KIF5A: variants seen among roughly 807,000 people sequenced by gnomAD.
The protein encoded by KIF5A is kinesin family member 5A.
In KIF5A, 35 loss-of-function variants were observed where a neutral mutation model predicts 141.3. The observed-to-expected ratio is 0.25, with a 90% CI of 0.19 to 0.33. KIF5A has a LOEUF of 0.33. Ranked by LOEUF, KIF5A falls within the 10% of genes least tolerant of loss-of-function variation. The pLI, the probability that KIF5A is intolerant of heterozygous loss-of-function variation, is 1.00. For missense variants in KIF5A, 861 were observed against 1,314.3 expected (o/e 0.66, Z 5.33); for synonymous variants, 448 against 500.2 (o/e 0.90, Z 1.39).
At chr12:57,563,394 C>A in intron 1 of KIF5A, 45 bp from the exon 2 acceptor site, 2 of 1,395,412 alleles carry the variant, frequency 1.4e-6, no homozygotes, top group Non-Finnish European at 2.0e-6. Flanking sequence ...TCTTTTCCCT[C>A]ACATCCTGCC....
chr12:57,575,072 T>G lies in KIF5A; in HGVS notation c.1717-12T>G. On this transcript the variant is annotated splice_polypyrimidine_tract_variant and intron_variant, in intron 15 of 28. Coordinates refer to ENST00000455537, the MANE Select transcript of KIF5A (RefSeq NM_004984.4). Reference sequence around the variant, plus strand: ...AGCCAAGAAGCATCTCTTCCTCCTTTAATCACCTTAGCCAGTGGAGATCAG... The same window carrying G: ...AGCCAAGAAGCATCTCTTCCTCCTTGAATCACCTTAGCCAGTGGAGATCAG... The G allele has an allele frequency of 6.2e-7, 1 of 1,613,848 alleles. No individual in the cohort carries two copies.
chr12:57,570,622 C>T (rs1238641673), intron 12 of KIF5A, among the ~76,000 whole-genome samples: 3 of 152,096 alleles, frequency 2.0e-5, no homozygotes, highest in Non-Finnish European at 2.9e-5. Context: ...TGACCTCTGG[C>T]GATCCGCCCG....
intron 1 of KIF5A, among the ~76,000 whole-genome samples, chr12:57,553,876 G>A (rs951679330): frequency 2.0e-5 from 3 of 152,136 alleles, no homozygotes; most frequent in Non-Finnish European, 2.9e-5. Context: ...GCTGGGGGTG[G>A]GAGAGAGATT....
chr12:57,566,318 A>C (rs1227032275), intron 6 of KIF5A, among the ~76,000 whole-genome samples: 1 of 150,446 alleles, frequency 6.6e-6, no homozygotes, highest in African/African-American at 2.4e-5. Context: ...TAGCCAGGCT[A>C]GTCTCGAACT....
rs759279945 is a variant in KIF5A, at chr12:57,578,388, G to T, written c.2538+46G>T. The stretch of plus-strand genomic sequence containing the variant: ...TGAAGAGAATTTTTGAGGCCGGGTA[G>T]CTAGCATACCAAATCCTCAGAGGCC... On this transcript the variant is annotated intron_variant, in intron 23 of 28. Coordinates refer to ENST00000455537, the MANE Select transcript of KIF5A (RefSeq NM_004984.4). The T allele has an allele frequency of 6.9e-6, 9 of 1,304,964 alleles. No individual in the cohort carries two copies. The South Asian group carries it at 1.1e-4, about 15-fold the overall frequency. 80.8% of individuals were successfully genotyped at this position (1,304,964 alleles called of 1,614,324 possible).
At position 57,571,396 on chromosome 12, in the gene KIF5A, G is replaced by A. The variant is rs1349376862; in HGVS notation, c.1362+7G>A. 6.2e-7 allele frequency: 1 copy of A among 1,613,572 alleles called. No individual in the cohort carries two copies. ...AATGCTGGACCAGGAAGAGGTAATAGGAGGGAGGGCAGGACATGAGAGGAA... is the reference window on the plus strand; with the variant it reads ...AATGCTGGACCAGGAAGAGGTAATAAGAGGGAGGGCAGGACATGAGAGGAA... On this transcript the variant is annotated splice_region_variant and intron_variant, in intron 13 of 28. Coordinates refer to ENST00000455537, the MANE Select transcript of KIF5A (RefSeq NM_004984.4).
chr12:57,573,886 C>T (rs1222433003), intron 15 of KIF5A, among the ~76,000 whole-genome samples: 1 of 150,946 alleles, frequency 6.6e-6, no homozygotes, highest in African/African-American at 2.4e-5. Context: ...TTGAGACCAT[C>T]CTGGCTAACA....
chr12:57,560,076 G>A (rs1449378506), intron 1 of KIF5A, among the ~76,000 whole-genome samples: 1 of 152,096 alleles, frequency 6.6e-6, no homozygotes, highest in Non-Finnish European at 1.5e-5. Flanking sequence ...ATTTTTAGTA[G>A]AGACATGGTT....
At chr12:57,567,287 C>T in intron 7 of KIF5A, 74 bp downstream of exon 7, 2 of 1,354,374 alleles carry the variant, frequency 1.5e-6, no homozygotes, top group Non-Finnish European at 2.1e-6. Flanking sequence ...GGTGGAGGGA[C>T]TCAAAAGTGA....
intron 6 of KIF5A, 90 bp downstream of exon 6, chr12:57,565,063 G>T: frequency 8.5e-7 from 1 of 1,174,464 alleles, no homozygotes; most frequent in South Asian, 1.2e-5. Flanking sequence ...TGAAGTTGGA[G>T]GGTGGATATC....
rs948361053 is a variant in KIF5A at position 57,577,955 on chromosome 12, G to T, written c.2362-54G>T. 2.1e-6 allele frequency: 3 copies of T among 1,434,842 alleles called. No individual in the cohort carries two copies. In the Admixed American group the frequency reaches 5.0e-5, roughly 24 times the overall value. The allele number at this position is 1,434,842 out of a possible 1,614,324, so 88.9% of individuals were successfully genotyped here. A position where few individuals can be genotyped will look rare whatever the true frequency, so the allele number is the denominator to read the frequency against. ...ACTGGAGGTACCTATAATTCTGGAG[G>T]AATAGGACAGACCTGGTATCTGGCT... On this transcript the variant is annotated intron_variant, in intron 21 of 28. Transcript: ENST00000455537.
At chr12:57,565,874 C>G (rs1882048807) in intron 6 of KIF5A, among the ~76,000 whole-genome samples, 1 of 151,522 alleles carries the variant, frequency 6.6e-6, no homozygotes, top group Non-Finnish European at 1.5e-5. Context: ...ATCCACCTGC[C>G]TCAGCCTCCC....
rs1427962305 is a variant in KIF5A at position 57,585,037 on chromosome 12, A to T, written c.*856A>T. 1 of 152,062 alleles carries T rather than the reference A, an allele frequency of 6.6e-6. No homozygotes were observed. The highest frequency in any genetic ancestry group is 1.5e-5 in the Non-Finnish European group (1 of 68,030). The allele number at this position is 152,062 out of a possible 1,614,324, so 9.4% of individuals were successfully genotyped here. On this transcript the variant is annotated 3_prime_UTR_variant, in exon 29 of 29. Transcript: ENST00000455537. ...AATGGCTGCTCATCTGTCCATGGAG[A>T]TGGTTACAGGCAGGTGTAGTCAAAA...
Position 57,586,228 on chromosome 12 carries a change from T to G in KIF5A, c.*2047T>G, listed in dbSNP as rs1414105107. 1 of 152,148 alleles carries G rather than the reference T, an allele frequency of 6.6e-6. No homozygotes were observed. Among genetic ancestry groups the G allele is most frequent in the East Asian group, 1.9e-4 (1 of 5,202 alleles). The allele number at this position is 152,148 out of a possible 1,614,324, so 9.4% of individuals were successfully genotyped here. On this transcript the variant is annotated 3_prime_UTR_variant, in exon 29 of 29. Transcript: ENST00000455537. Reference sequence around the variant, plus strand: ...TTGCTGTCAGCAGGGCACTTAAGAATCCAGGGGGTTTTATGTAATGTTGCC... The same window carrying G: ...TTGCTGTCAGCAGGGCACTTAAGAAGCCAGGGGGTTTTATGTAATGTTGCC...
At position 57,575,205 on chromosome 12, in the gene KIF5A, T is replaced by C; in HGVS notation, c.1838T>C (p.Val613Ala). The change falls in exon 16 of 29, where the codon GTG becomes GCG. Residue 613 changes from valine to alanine, a missense_variant. By Grantham distance (64) the Val-to-Ala change is moderately conservative. Around this residue, in one of 5 missense-constraint regions of KIF5A, gnomAD observed 482 missense variants for 661.3 expected, o/e 0.73. Transcript: ENST00000455537. ...KRCRQLENLQ[V>A]ECHRKMEVTG... ...TGCCGGCAGCTGGAGAACCTCCAGG[T>C]GGAGTGTCACCGCAAGATGGAAGTG... 1 of 1,613,758 alleles carries C rather than the reference T, an allele frequency of 6.2e-7. No homozygotes were observed. Among genetic ancestry groups the C allele is most frequent in the Non-Finnish European group, 8.5e-7 (1 of 1,179,914 alleles).
At chr12:57,581,702 G>C (rs1448626655) in intron 25 of KIF5A, 134 bp downstream of exon 25, 1 of 1,252,506 alleles carries the variant, frequency 8.0e-7, no homozygotes, top group East Asian at 2.3e-5. Context: ...CCTATGATTA[G>C]AAGGTAGGTG....
chr12:57,578,829 C>T (rs980025267), intron 23 of KIF5A, among the ~76,000 whole-genome samples: 5 of 151,972 alleles, frequency 3.3e-5, no homozygotes, highest in African/African-American at 7.3e-5. Context: ...TTCAGGAAGC[C>T]GAGGCGGGCG....
rs960794993 is a variant in KIF5A, at chr12:57,576,081, C to T, written c.2024-6C>T. 1.2e-6 allele frequency: 2 copies of T among 1,613,986 alleles called. No homozygotes were observed. Among genetic ancestry groups the T allele is most frequent in the Non-Finnish European group, 1.7e-6 (2 of 1,179,880 alleles). On this transcript the variant is annotated splice_region_variant and splice_polypyrimidine_tract_variant and intron_variant, in intron 17 of 28. Coordinates refer to ENST00000455537, the MANE Select transcript of KIF5A (RefSeq NM_004984.4). Reference sequence around the variant, plus strand: ...GATGTCAGCTGTCTTCCCCTCTTTCCCTTAGAAACTGTGCATGAAGTGGCC... The same window carrying T: ...GATGTCAGCTGTCTTCCCCTCTTTCTCTTAGAAACTGTGCATGAAGTGGCC...
rs116981290 is a variant in KIF5A, at chr12:57,556,702, A to T, written c.129+6302A>T. Among the ~76,000 whole-genome samples, 452 of 91,794 alleles carry T rather than the reference A, an allele frequency of 4.9e-3. 17 individuals are homozygous for T. The East Asian group carries it at 0.093, about 19-fold the overall frequency. 60.2% of individuals were successfully genotyped at this position (91,794 alleles called of 152,430 possible). A position where few individuals can be genotyped will look rare whatever the true frequency, so the allele number is the denominator to read the frequency against. On this transcript the variant is annotated intron_variant, in intron 1 of 28. Transcript: ENST00000455537. The stretch of plus-strand genomic sequence containing the variant: ...TTGGTGCCCATGTGTTTGTGGGGGG[A>T]GGGGAGGGGCAAGATTGGCTTGAGA...
Sources: allele counts gnomAD v4.1 joint callset (sites outside exome capture counted in the v4.1 genomes callset), GRCh38; gene constraint gnomAD v4.1.1; regional missense constraint gnomAD v4.1.1; transcripts MANE v1.5; gene names NCBI Gene and HGNC (gene_info 2026-07-23, HGNC 2026-07-21).